The following TMEFF2 variants were observed in gnomAD, a reference collection of about 807,000 sequenced individuals.
TMEFF2 encodes transmembrane protein with EGF like and two follistatin like domains 2.
In TMEFF2, 28 loss-of-function variants were observed where a neutral mutation model predicts 53.8. That is an observed-to-expected ratio of 0.52 (90% CI 0.39 to 0.71). The LOEUF (loss-of-function observed/expected upper bound fraction) is 0.71, where lower values mean the gene tolerates loss of function less well. Ranked by LOEUF, TMEFF2 falls within the 30% of genes least tolerant of loss-of-function variation. The pLI, the probability that TMEFF2 is intolerant of heterozygous loss-of-function variation, is 0.00. For synonymous variants in TMEFF2, 162 were observed against 166.3 expected, an observed-to-expected ratio of 0.97 and a Z score of 0.20; for missense variants, 353 against 455.2, an observed-to-expected ratio of 0.78 and a Z score of 2.04.
chr2:192,071,708 A>AT (rs1355876130), intron 4 of TMEFF2, among the ~76,000 whole-genome samples: 1 of 151,912 alleles, frequency 6.6e-6, no homozygotes, highest in Non-Finnish European at 1.5e-5. Flanking sequence ...TGTGCTACTT[A>AT]TACTACTACA....
At chr2:191,998,940 T>C (rs1178905465) in intron 6 of TMEFF2, 120 bp downstream of exon 6, 1 of 1,033,800 alleles carries the variant, frequency 9.7e-7, no homozygotes, top group Non-Finnish European at 1.4e-6. Context: ...TACTATCCAT[T>C]GTAAATAAGC....
chr2:191,992,502 C>G (rs79053374), intron 7 of TMEFF2, among the ~76,000 whole-genome samples: 7,731 of 152,092 alleles, frequency 0.051, 247 homozygotes, highest in South Asian at 0.082. Flanking sequence ...AATACTGTGT[C>G]CGGTTCCGGC....
chr2:192,127,246 T>C (rs1314480432), intron 4 of TMEFF2, among the ~76,000 whole-genome samples: 1 of 152,194 alleles, frequency 6.6e-6, no homozygotes, highest in Non-Finnish European at 1.5e-5. Flanking sequence ...ACTTGACCTA[T>C]TGTTCATCAA....
At chr2:192,033,540 T>TG (rs59060584) in intron 5 of TMEFF2, among the ~76,000 whole-genome samples, 1 of 148,892 alleles carries the variant, frequency 6.7e-6, no homozygotes, top group Admixed American at 6.7e-5. Context: ...TTTTTTTTTT[T>TG]ACACAAAACC....
chr2:192,155,685 C>T (rs1690490805), intron 4 of TMEFF2, among the ~76,000 whole-genome samples: 1 of 152,026 alleles, frequency 6.6e-6, no homozygotes, highest in South Asian at 2.1e-4. Flanking sequence ...TGCTGCCCAG[C>T]AGCTGCCCAA....
chr2:192,044,852 AC>A (rs1687576457), intron 5 of TMEFF2, among the ~76,000 whole-genome samples: 1 of 152,204 alleles, frequency 6.6e-6, no homozygotes, highest in African/African-American at 2.4e-5. Context: ...CTACTAAGTT[AC>A]TATTTGACCT....
intron 4 of TMEFF2, among the ~76,000 whole-genome samples, chr2:192,120,731 T>A (rs566938939): frequency 2.4e-4 from 36 of 152,246 alleles, no homozygotes; most frequent in Non-Finnish European, 4.6e-4. Flanking sequence ...CATAAATTTA[T>A]TGAATAAACA....
chr2:191,979,823 A>AATATATACCT (rs1559070265), intron 7 of TMEFF2, among the ~76,000 whole-genome samples: 1 of 150,360 alleles, frequency 6.7e-6, no homozygotes, highest in African/African-American at 2.5e-5. Context: ...ATTTATGATT[A>AATATATACCT]ATATATATCT....
At chr2:192,162,123 A>G (rs1311331361) in intron 4 of TMEFF2, among the ~76,000 whole-genome samples, 4 of 152,178 alleles carry the variant, frequency 2.6e-5, no homozygotes, top group East Asian at 1.9e-4. Flanking sequence ...CTTGATGCCA[A>G]TGTAATGAAG....
chr2:191,991,269 C>T (rs1218687168), intron 7 of TMEFF2, among the ~76,000 whole-genome samples: 1 of 152,026 alleles, frequency 6.6e-6, no homozygotes, highest in Non-Finnish European at 1.5e-5. Flanking sequence ...AATCCAGAAA[C>T]TTCTTGTAAT....
chr2:192,076,500 C>T (rs1462751361), intron 4 of TMEFF2, among the ~76,000 whole-genome samples: 2 of 152,156 alleles, frequency 1.3e-5, no homozygotes, highest in Non-Finnish European at 2.9e-5. Context: ...ATTTACTCCA[C>T]CAACACTTAC....
At chr2:191,988,393 T>G (rs943671026) in intron 7 of TMEFF2, among the ~76,000 whole-genome samples, 2 of 152,146 alleles carry the variant, frequency 1.3e-5, no homozygotes, top group Admixed American at 1.3e-4. Context: ...ACAGGAAACC[T>G]TCAACTTCCC....
At chr2:192,156,714 C>T (rs757704311) in intron 4 of TMEFF2, among the ~76,000 whole-genome samples, 1 of 151,932 alleles carries the variant, frequency 6.6e-6, no homozygotes, top group Non-Finnish European at 1.5e-5. Context: ...AATCCGATTC[C>T]GAATTTGGCG....
chr2:192,058,778 A>C (rs1283134975), intron 4 of TMEFF2, among the ~76,000 whole-genome samples: 2 of 152,214 alleles, frequency 1.3e-5, no homozygotes, highest in Non-Finnish European at 2.9e-5. Flanking sequence ...TGTTTAAATC[A>C]AGGGAACCTT....
At chr2:192,103,437 T>C (rs1057130047) in intron 4 of TMEFF2, among the ~76,000 whole-genome samples, 2 of 152,146 alleles carry the variant, frequency 1.3e-5, no homozygotes, top group African/African-American at 2.4e-5. Context: ...CTGCCCTCTT[T>C]TGTTTCTCCT....
chr2:192,075,304 T>TAAAA (rs1553518793), intron 4 of TMEFF2, among the ~76,000 whole-genome samples: 6 of 17,276 alleles, frequency 3.5e-4, no homozygotes, highest in Admixed American at 8.9e-4. Flanking sequence ...TATATATATA[T>TAAAA]ATATATATAT....
intron 4 of TMEFF2, among the ~76,000 whole-genome samples, chr2:192,130,197 TTAAAC>T (rs1401166445): frequency 1.3e-5 from 2 of 149,394 alleles, no homozygotes; most frequent in African/African-American, 2.5e-5. Context: ...ATAAAATAAT[TTAAAC>T]TAAAGAAAAA....
intron 5 of TMEFF2, among the ~76,000 whole-genome samples, chr2:192,005,741 C>G (rs1347643066): frequency 6.6e-6 from 1 of 152,152 alleles, no homozygotes; most frequent in Non-Finnish European, 1.5e-5. Flanking sequence ...TCTGTGATCC[C>G]TGTCAGATCT....
intron 4 of TMEFF2, among the ~76,000 whole-genome samples, chr2:192,119,148 A>G (rs1689486260): frequency 6.6e-6 from 1 of 152,176 alleles, no homozygotes; most frequent in African/African-American, 2.4e-5. Context: ...ATGTTGTCCA[A>G]CTACTTATGT....
Sources: allele counts gnomAD v4.1 joint callset (sites outside exome capture counted in the v4.1 genomes callset), GRCh38; gene constraint gnomAD v4.1.1; transcripts MANE v1.5; gene names NCBI Gene and HGNC (gene_info 2026-07-23, HGNC 2026-07-21).